Variants in WDR72 observed in about 807,000 individuals in gnomAD.
WDR72 encodes WD repeat domain 72, also known as WD repeat-containing protein 72.
WDR72 carries 120 observed loss-of-function variants against 124.2 expected under a neutral mutation model. The ratio of observed to expected loss-of-function variants is 0.97; its 90% CI spans 0.83 to 1.12. The LOEUF (loss-of-function observed/expected upper bound fraction) is 1.12. Among genes scored for constraint, WDR72 ranks in the 50% most tolerant of loss-of-function variants. WDR72 has a pLI of 0.00. For missense variants in WDR72, 1,387 were observed against 1,278.8 expected (o/e 1.08, Z -1.29); for synonymous variants, 452 against 441.7 (o/e 1.02, Z -0.29).
chr15:53,639,111 C>A (rs35487869), intron 14 of WDR72, among the ~76,000 whole-genome samples: 52,575 of 151,900 alleles, frequency 0.35, 10,461 homozygotes, highest in Middle Eastern at 0.58. Context: ...AATCTTATAT[C>A]TAGATACTAC....
At chr15:53,553,009 T>A (rs768972104) in intron 18 of WDR72, among the ~76,000 whole-genome samples, 1 of 152,106 alleles carries the variant, frequency 6.6e-6, no homozygotes, top group Admixed American at 6.6e-5. Flanking sequence ...CAACGGTCAA[T>A]ATCATTTAAA....
intron 18 of WDR72, among the ~76,000 whole-genome samples, chr15:53,529,164 A>ATATATATATTTTTTTTT (rs59003623): frequency 2.2e-4 from 17 of 78,140 alleles, no homozygotes; most frequent in African/African-American, 7.5e-4. Flanking sequence ...ATATATATAT[A>ATATATATATTTTTTTTT]TTTTTTTTTT....
chr15:53,533,071 G>A (rs1290273913), intron 18 of WDR72, among the ~76,000 whole-genome samples: 9 of 152,000 alleles, frequency 5.9e-5, no homozygotes, highest in African/African-American at 1.7e-4. Flanking sequence ...GGAAGGAGAC[G>A]AGCAACACAA....
At chr15:53,589,732 G>A (rs2012403181) in intron 18 of WDR72, among the ~76,000 whole-genome samples, 1 of 152,000 alleles carries the variant, frequency 6.6e-6, no homozygotes, top group South Asian at 2.1e-4. Flanking sequence ...TCTGGGCAGA[G>A]CCAGGCTGGC....
At chr15:53,574,805 CTATT>C (rs1285391239) in intron 18 of WDR72, among the ~76,000 whole-genome samples, 2 of 151,822 alleles carry the variant, frequency 1.3e-5, no homozygotes, top group African/African-American at 2.4e-5. Context: ...ATAGGATAGT[CTATT>C]TATTTTCTCT....
At chr15:53,726,410 G>T (rs1398464241) in intron 2 of WDR72, among the ~76,000 whole-genome samples, 2 of 151,122 alleles carry the variant, frequency 1.3e-5, no homozygotes, top group Non-Finnish European at 2.9e-5. Context: ...AGTCAGTTTT[G>T]CTTTAAACCT....
intron 18 of WDR72, among the ~76,000 whole-genome samples, chr15:53,587,075 T>C (rs4447369): frequency 0.32 from 48,246 of 151,644 alleles, 8,154 homozygotes; most frequent in Admixed American, 0.42. Context: ...TATTGGCATT[T>C]AGCAGTCAGG....
intron 1 of WDR72, among the ~76,000 whole-genome samples, chr15:53,748,755 G>T (rs1304666143): frequency 6.6e-6 from 1 of 151,948 alleles, no homozygotes; most frequent in African/African-American, 2.4e-5. Context: ...ATCCATACTA[G>T]TCTCCTCTGA....
chr15:53,744,876 G>A (rs2018604310), intron 1 of WDR72, among the ~76,000 whole-genome samples: 1 of 152,092 alleles, frequency 6.6e-6, no homozygotes, highest in South Asian at 2.1e-4. Context: ...GTCTTGCTCT[G>A]GAAGAAGTAT....
At chr15:53,590,239 C>A (rs1159757198) in intron 18 of WDR72, among the ~76,000 whole-genome samples, 1 of 151,954 alleles carries the variant, frequency 6.6e-6, no homozygotes, top group African/African-American at 2.4e-5. Context: ...CCTTTCAACT[C>A]GTATGTGTAT....
chr15:53,572,524 C>T (rs1276682527), intron 18 of WDR72, among the ~76,000 whole-genome samples: 1 of 151,662 alleles, frequency 6.6e-6, no homozygotes, highest in African/African-American at 2.4e-5. Flanking sequence ...TAGGGCTAGG[C>T]AAAAGTTTGT....
At chr15:53,691,331 A>C (rs909512910) in intron 13 of WDR72, among the ~76,000 whole-genome samples, 1 of 152,176 alleles carries the variant, frequency 6.6e-6, no homozygotes, top group African/African-American at 2.4e-5. Context: ...AATTACAGGC[A>C]TGAGCCACCT....
intron 13 of WDR72, among the ~76,000 whole-genome samples, chr15:53,679,832 C>T (rs1256877378): frequency 6.6e-6 from 1 of 151,652 alleles, no homozygotes. Context: ...ATTTAGAATT[C>T]ATGATTTTTC....
At chr15:53,675,904 G>C (rs1337360885) in intron 13 of WDR72, among the ~76,000 whole-genome samples, 2 of 152,130 alleles carry the variant, frequency 1.3e-5, no homozygotes, top group African/African-American at 4.8e-5. Context: ...TAGTAGAGAT[G>C]AGAGTACCAA....
At chr15:53,719,607 C>A (rs1344657324) in intron 3 of WDR72, among the ~76,000 whole-genome samples, 3 of 152,228 alleles carry the variant, frequency 2.0e-5, no homozygotes, top group Admixed American at 1.3e-4. Flanking sequence ...TAATAAATTT[C>A]CCGTAACTCT....
intron 17 of WDR72, among the ~76,000 whole-genome samples, chr15:53,609,312 C>A (rs192533336): frequency 1.3e-5 from 2 of 152,100 alleles, no homozygotes; most frequent in Non-Finnish European, 2.9e-5. Context: ...TCCCTCAGCC[C>A]CGGGCATTCA....
chr15:53,615,936 A>C lies in WDR72; in HGVS notation c.2270T>G (p.Ile757Ser), dbSNP rs987924773. ...GCCATCATTTTCTTCTGAGAATTTG[A>C]TGGTATTATCTCCTTGGGCCAGGCT... ...TESLAQGDNT[I>S]KFSEENDGIK... The change falls in exon 15 of 20, where the codon ATC becomes AGC. Residue 757 changes from isoleucine (I) to serine (S), a missense_variant. Ile to Ser is a moderately radical substitution (Grantham distance 142). Coordinates refer to ENST00000360509, the MANE Select transcript of WDR72 (RefSeq NM_182758.4). 6.2e-7 allele frequency: 1 copy of C among 1,613,156 alleles called. No individual in the cohort carries two copies. The highest frequency in any genetic ancestry group is 1.3e-5 in the African/African-American group (1 of 74,802).
intron 11 of WDR72, among the ~76,000 whole-genome samples, chr15:53,704,493 G>A (rs931487307): frequency 5.9e-5 from 9 of 151,674 alleles, no homozygotes; most frequent in African/African-American, 2.2e-4. Context: ...TTCTTATTGT[G>A]TAGCCTTCTG....
At chr15:53,698,971 GT>G (rs1345095867) in intron 13 of WDR72, among the ~76,000 whole-genome samples, 1 of 152,154 alleles carries the variant, frequency 6.6e-6, no homozygotes, top group Non-Finnish European at 1.5e-5. Flanking sequence ...ACACATGACA[GT>G]AAAATGCAAA....
Sources: gnomAD v4.1 joint callset for allele counts (sites outside exome capture counted in the v4.1 genomes callset) on GRCh38, gnomAD v4.1.1 for gene constraint, MANE v1.5 for transcripts, NCBI Gene and HGNC (gene_info 2026-07-23, HGNC 2026-07-21) for gene names.